EPHB1: variants seen among roughly 807,000 people sequenced by gnomAD.
EPHB1 encodes ephrin type-B receptor 1.
Under a neutral mutation model 94.4 loss-of-function variants are expected in EPHB1, and 30 were observed. The ratio of observed to expected loss-of-function variants is 0.32; its 90% CI spans 0.24 to 0.43. The LOEUF is 0.43. Among genes scored for constraint, EPHB1 ranks in the 20% least tolerant of loss-of-function variants. The pLI, the probability that EPHB1 is intolerant of heterozygous loss-of-function variation, is 1.00. For synonymous variants in EPHB1, 522 were observed against 489.1 expected (o/e 1.07, Z -0.89); for missense variants, 1,055 against 1,308.3 (o/e 0.81, Z 2.99).
chr3:135,078,453 G>T (rs1285103711), intron 3 of EPHB1, among the ~76,000 whole-genome samples: 1 of 152,214 alleles, frequency 6.6e-6, no homozygotes, highest in Non-Finnish European at 1.5e-5. Flanking sequence ...TTAGTAATGT[G>T]CAGACAGGTA....
At chr3:134,828,445 C>A (rs1158575129) in intron 1 of EPHB1, among the ~76,000 whole-genome samples, 1 of 152,154 alleles carries the variant, frequency 6.6e-6, no homozygotes, top group African/African-American at 2.4e-5. Flanking sequence ...TTTCTTGGAG[C>A]CTAGTCCCTA....
At chr3:135,090,870 C>T (rs1457324130) in intron 3 of EPHB1, among the ~76,000 whole-genome samples, 1 of 152,202 alleles carries the variant, frequency 6.6e-6, no homozygotes, top group Non-Finnish European at 1.5e-5. Flanking sequence ...CACTTGAATG[C>T]TGCGTAATAT....
intron 12 of EPHB1, among the ~76,000 whole-genome samples, chr3:135,227,086 C>T (rs745675365): frequency 1.2e-4 from 18 of 152,148 alleles, no homozygotes; most frequent in Non-Finnish European, 2.2e-4. Flanking sequence ...TATTTGGGTC[C>T]AATATACCCA....
chr3:134,889,485 C>A (rs889387820), intron 1 of EPHB1, among the ~76,000 whole-genome samples: 1 of 151,892 alleles, frequency 6.6e-6, no homozygotes, highest in African/African-American at 2.4e-5. Flanking sequence ...AGTAGATATC[C>A]CTCTGGAAAA....
chr3:134,869,256 CAG>C (rs1233342432), intron 1 of EPHB1, among the ~76,000 whole-genome samples: 1 of 152,192 alleles, frequency 6.6e-6, no homozygotes, highest in Non-Finnish European at 1.5e-5. Flanking sequence ...CTTAAGCAAA[CAG>C]GGAATTTATC....
intron 3 of EPHB1, among the ~76,000 whole-genome samples, chr3:135,078,878 T>G (rs1252918881): frequency 6.6e-6 from 1 of 152,256 alleles, no homozygotes; most frequent in Non-Finnish European, 1.5e-5. Context: ...TGCGTAGAAC[T>G]TGGCAGGCTC....
Position 134,882,420 on chromosome 3 carries a change from T to A in EPHB1, c.59-43396T>A, listed in dbSNP as rs191291731. 8.1e-4 allele frequency among the ~76,000 whole-genome samples: 123 copies of A among 152,188 alleles called. 1 individual carries two copies. The highest frequency in any genetic ancestry group is 1.5e-3 in the Non-Finnish European group (103 of 68,032). On this transcript the variant is annotated intron_variant, in intron 1 of 15. Coordinates refer to ENST00000398015, the MANE Select transcript of EPHB1 (RefSeq NM_004441.5). Reference sequence around the variant, plus strand: ...TCTTCTTCTATTGAAATTACAGCCATAACTTTCAAAAATCTTTTTATCTTT... The same window carrying A: ...TCTTCTTCTATTGAAATTACAGCCAAAACTTTCAAAAATCTTTTTATCTTT...
At chr3:135,107,213 C>A (rs758102695) in intron 4 of EPHB1, among the ~76,000 whole-genome samples, 1 of 152,186 alleles carries the variant, frequency 6.6e-6, no homozygotes, top group Non-Finnish European at 1.5e-5. Flanking sequence ...GGCAGAAATT[C>A]TAGGGACCGG....
chr3:134,961,470 C>T (rs1933515974), intron 3 of EPHB1, among the ~76,000 whole-genome samples: 1 of 152,214 alleles, frequency 6.6e-6, no homozygotes, highest in Admixed American at 6.5e-5. Context: ...AATCTCCACT[C>T]ATGCAATTTA....
chr3:134,802,849 G>A (rs1299775850), intron 1 of EPHB1, among the ~76,000 whole-genome samples: 1 of 152,216 alleles, frequency 6.6e-6, no homozygotes, highest in Non-Finnish European at 1.5e-5. Context: ...TCTCCAGCAA[G>A]CATGGAGTGT....
At chr3:134,902,631 G>A (rs1006071129) in intron 1 of EPHB1, among the ~76,000 whole-genome samples, 2 of 152,174 alleles carry the variant, frequency 1.3e-5, no homozygotes, top group Admixed American at 6.5e-5. Context: ...AACACTCAGG[G>A]TAAGGTTCAT....
At chr3:135,053,185 AT>A (rs1455425950) in intron 3 of EPHB1, among the ~76,000 whole-genome samples, 1 of 512 alleles carries the variant, frequency 2.0e-3, no homozygotes, top group East Asian at 0.5. Context: ...TAAGATTAAC[AT>A]TTAAAAAAAA....
At chr3:134,805,119 G>C (rs1372274124) in intron 1 of EPHB1, among the ~76,000 whole-genome samples, 1 of 152,152 alleles carries the variant, frequency 6.6e-6, no homozygotes, top group Non-Finnish European at 1.5e-5. Flanking sequence ...CTGGGGATGG[G>C]GGATTGGGAA....
intron 12 of EPHB1, among the ~76,000 whole-genome samples, chr3:135,222,774 A>G (rs1177090541): frequency 1.3e-5 from 2 of 152,222 alleles, no homozygotes; most frequent in East Asian, 3.8e-4. Flanking sequence ...CTATGTCTCC[A>G]AGAGGAAGCA....
chr3:135,166,165 G>A, intron 8 of EPHB1, 89 bp downstream of exon 8: 1 of 911,464 alleles, frequency 1.1e-6, no homozygotes, highest in Non-Finnish European at 1.8e-6. Context: ...CAGATAGGGT[G>A]TGACCATTCA....
Position 134,890,435 on chromosome 3 carries a change from AT to A in EPHB1, c.59-35378del, listed in dbSNP as rs2037955943. On this transcript the variant is annotated intron_variant, in intron 1 of 15. Coordinates refer to ENST00000398015, the MANE Select transcript of EPHB1 (RefSeq NM_004441.5). ...TTTATTAATTTTCCTCTAGATGGGC[AT>A]TTCCTGTTGAAAATTGATGTATGCA... is the stretch of plus-strand genomic sequence containing the variant. 3.3e-5 allele frequency among the ~76,000 whole-genome samples: 5 copies of A among 152,302 alleles called. No individual in the cohort carries two copies. In the South Asian group the frequency reaches 1.0e-3, roughly 32 times the overall value.
At chr3:134,839,776 G>A (rs1051902741) in intron 1 of EPHB1, among the ~76,000 whole-genome samples, 1 of 152,212 alleles carries the variant, frequency 6.6e-6, no homozygotes, top group African/African-American at 2.4e-5. Flanking sequence ...AAGCCCAACT[G>A]CATAGATGAT....
At chr3:134,796,000 G>A (rs1307888318) in intron 1 of EPHB1, 2 of 467,996 alleles carry the variant, frequency 4.3e-6, no homozygotes, top group Non-Finnish European at 7.6e-6. Flanking sequence ...CTGCATTGCG[G>A]TGCATGCTCC....
chr3:135,044,448 G>A (rs1936938649), intron 3 of EPHB1, among the ~76,000 whole-genome samples: 1 of 152,186 alleles, frequency 6.6e-6, no homozygotes, highest in Non-Finnish European at 1.5e-5. Flanking sequence ...ATTGTGTGCT[G>A]CTGACTAGTG....
Sources: allele counts gnomAD v4.1 joint callset (sites outside exome capture counted in the v4.1 genomes callset), GRCh38; gene constraint gnomAD v4.1.1; transcripts MANE v1.5; gene names NCBI Gene and HGNC (gene_info 2026-07-23, HGNC 2026-07-21).